Variants in OTOF observed in about 807,000 individuals in gnomAD.
The protein encoded by OTOF is otoferlin.
OTOF carries 218 observed loss-of-function variants against 236.8 expected under a neutral mutation model. That is an observed-to-expected ratio of 0.92 (90% confidence interval 0.82 to 1.03). The LOEUF is 1.03. Among genes scored for constraint, OTOF ranks in the 50% least tolerant of loss-of-function variants. The pLI is 0.00. For missense variants in OTOF, 2,590 were observed against 2,694.4 expected (o/e 0.96, Z 0.86); for synonymous variants, 1,041 against 1,072.5 (o/e 0.97, Z 0.57).
At position 26,457,811 on chromosome 2, in the gene OTOF, A is replaced by G; in HGVS notation, c.*427T>C. 1.8e-6 allele frequency: 1 copy of G among 555,314 alleles called. No individual in the cohort carries two copies. Among genetic ancestry groups the G allele is most frequent in the Non-Finnish European group, 3.2e-6 (1 of 312,316 alleles). 34.4% of individuals were successfully genotyped at this position (555,314 alleles called of 1,614,324 possible). Reference sequence around the variant, plus strand: ...GAGACCCATTCCAGGTCCCCACCCCATCCAAGGCTCCCCAGCCCACAGGCA... The same window carrying G: ...GAGACCCATTCCAGGTCCCCACCCCGTCCAAGGCTCCCCAGCCCACAGGCA... On this transcript the variant is annotated 3_prime_UTR_variant, in exon 47 of 47. Transcript: ENST00000272371. This position sits in a 1 kb window ranked among gnomAD's most constrained non-coding sequence, Gnocchi z 4.4.
chr2:26,465,209 T>G (rs1664670076), intron 38 of OTOF, among the ~76,000 whole-genome samples, 180 bp from the exon 39 acceptor site: 1 of 152,096 alleles, frequency 6.6e-6, no homozygotes, highest in Non-Finnish European at 1.5e-5. Flanking sequence ...GGCTGAACCT[T>G]CCTGCCCTGG....
chr2:26,482,042 T>C (rs1665553481), intron 14 of OTOF, among the ~76,000 whole-genome samples: 1 of 152,214 alleles, frequency 6.6e-6, no homozygotes, highest in Non-Finnish European at 1.5e-5. Flanking sequence ...AGGTATCATA[T>C]ATATATACAC....
At chr2:26,463,400 C>T (rs1205524308) in intron 41 of OTOF, 83 bp downstream of exon 41, 2 of 1,169,366 alleles carry the variant, frequency 1.7e-6, no homozygotes, top group Admixed American at 2.0e-5. Flanking sequence ...TGGACCTGAG[C>T]CCCCCGCAGG....
chr2:26,558,076 G>T (rs549380024), intron 1 of OTOF, among the ~76,000 whole-genome samples: 2 of 151,988 alleles, frequency 1.3e-5, no homozygotes, highest in African/African-American at 4.8e-5. Flanking sequence ...GTTTCTCCCA[G>T]TCACCCTGGG....
chr2:26,478,637 G>C (rs1665426794), intron 18 of OTOF, among the ~76,000 whole-genome samples: 1 of 152,122 alleles, frequency 6.6e-6, no homozygotes, highest in Non-Finnish European at 1.5e-5. Context: ...TTCAGACACT[G>C]CTCGCTTCTC....
chr2:26,528,268 G>A (rs1160923276), intron 2 of OTOF, among the ~76,000 whole-genome samples: 1 of 152,226 alleles, frequency 6.6e-6, no homozygotes, highest in East Asian at 1.9e-4. Flanking sequence ...GGTTGGGAGA[G>A]GGTGGTGCAA....
intron 2 of OTOF, among the ~76,000 whole-genome samples, chr2:26,529,097 G>A (rs923078456): frequency 6.6e-6 from 1 of 152,116 alleles, no homozygotes; most frequent in Admixed American, 6.5e-5. Flanking sequence ...GCCTCAGCAG[G>A]GGTCCCTGTC....
rs1031290128 is a variant in OTOF, at chr2:26,476,446, G to C, written c.2677-129C>G. On this transcript the variant is annotated intron_variant, in intron 22 of 46. Transcript: ENST00000272371. ...CCTTCACAGCCATCCCGCTGGGCTG[G>C]GGTCCGGTGGAGGCAGGAGGATGGG... is the stretch of plus-strand genomic sequence containing the variant. 7 of 860,252 alleles carry C rather than the reference G, an allele frequency of 8.1e-6. No individual in the cohort carries two copies. In the Admixed American group the frequency reaches 1.5e-4, roughly 19 times the overall value. 53.3% of individuals were successfully genotyped at this position (860,252 alleles called of 1,614,324 possible). A position where few individuals can be genotyped will look rare whatever the true frequency, so the allele number is the denominator to read the frequency against.
intron 2 of OTOF, among the ~76,000 whole-genome samples, chr2:26,536,757 A>G (rs971112007): frequency 2.0e-5 from 3 of 152,196 alleles, no homozygotes; most frequent in Admixed American, 2.0e-4. Context: ...TTTGAGGGTC[A>G]CTACATGGCT....
intron 1 of OTOF, among the ~76,000 whole-genome samples, chr2:26,538,320 C>T (rs995990174): frequency 2.0e-5 from 3 of 152,246 alleles, no homozygotes; most frequent in Admixed American, 1.3e-4. Context: ...GGGCCAAGGG[C>T]CTTCCCCTTC....
Position 26,460,296 on chromosome 2 carries a change from CCTGGGCTGTGTGTGCAGTT to C in OTOF, c.5814-110_5814-92del. 9.1e-7 allele frequency: 1 copy of C among 1,094,754 alleles called. No homozygotes were observed. Among genetic ancestry groups the C allele is most frequent in the Non-Finnish European group, 1.4e-6 (1 of 734,950 alleles). The allele number at this position is 1,094,754 out of a possible 1,614,324, so 67.8% of individuals were successfully genotyped here. A position where few individuals can be genotyped will look rare whatever the true frequency, so the allele number is the denominator to read the frequency against. On this transcript the variant is annotated intron_variant, in intron 45 of 46. Transcript: ENST00000272371. The surrounding 1 kb of genome is among the most constrained non-coding windows in gnomAD (Gnocchi z 5.3). ...GGGCCAAGACCAAGAGGGAAGCTGTCCTGGGCTGTGTGTGCAGTTCTAGGCACCCCTCTGGCCATCAAGG... is the reference window on the plus strand; with the variant it reads ...GGGCCAAGACCAAGAGGGAAGCTGTCCTAGGCACCCCTCTGGCCATCAAGG...
chr2:26,463,405 C>A (rs867197841), intron 41 of OTOF, 78 bp downstream of exon 41: 9 of 1,244,746 alleles, frequency 7.2e-6, no homozygotes, highest in Non-Finnish European at 6.9e-6. Context: ...CTGAGCCCCC[C>A]GCAGGAAGGG....
intron 1 of OTOF, among the ~76,000 whole-genome samples, chr2:26,556,242 C>A (rs1667582271): frequency 6.6e-6 from 1 of 152,208 alleles, no homozygotes; most frequent in African/African-American, 2.4e-5. Flanking sequence ...TTTCCCCCTG[C>A]AGAGGACTTG....
Position 26,473,018 on chromosome 2 carries a change from C to A in OTOF, c.3733+114G>T. 1.7e-6 allele frequency: 2 copies of A among 1,162,580 alleles called. No homozygotes were observed. Among genetic ancestry groups the A allele is most frequent in the Non-Finnish European group, 2.4e-6 (2 of 818,824 alleles). 72.0% of individuals were successfully genotyped at this position (1,162,580 alleles called of 1,614,324 possible). On this transcript the variant is annotated intron_variant, in intron 29 of 46. Coordinates refer to ENST00000272371, the MANE Select transcript of OTOF (RefSeq NM_194248.3). The surrounding 1 kb of genome is among the most constrained non-coding windows in gnomAD (Gnocchi z 7.2). Reference sequence around the variant, plus strand: ...CCAGGGTGACCTTCTTCTATGCCCACCCCCTCGGCCCCAAAGAGCAAACTC... The same window carrying A: ...CCAGGGTGACCTTCTTCTATGCCCAACCCCTCGGCCCCAAAGAGCAAACTC...
rs762154926 is a variant in OTOF, at chr2:26,477,610, G to A, written c.2315+39C>T. The A allele has an allele frequency of 1.8e-5, 29 of 1,609,510 alleles. No individual in the cohort carries two copies. Among genetic ancestry groups the A allele is most frequent in the African/African-American group, 5.3e-5 (4 of 74,848 alleles). ...GGCAGGGTCCCCTTTGTCCAGTTCCGCCTCATCCTCCCCCCACCTGCCGCC... is the reference window on the plus strand; with the variant it reads ...GGCAGGGTCCCCTTTGTCCAGTTCCACCTCATCCTCCCCCCACCTGCCGCC... On this transcript the variant is annotated intron_variant, in intron 19 of 46. Transcript: ENST00000272371. This position sits in a 1 kb window ranked among gnomAD's most constrained non-coding sequence, Gnocchi z 4.7.
At chr2:26,481,052 A>C (rs1386807453) in intron 14 of OTOF, 43 bp from the exon 15 acceptor site, 1 of 1,486,266 alleles carries the variant, frequency 6.7e-7, no homozygotes, top group Non-Finnish European at 9.4e-7. Context: ...CGTCACATCC[A>C]GTTTCCCTGG....
At chr2:26,469,761 C>A (rs977182191) in intron 32 of OTOF, among the ~76,000 whole-genome samples, 2 of 152,372 alleles carry the variant, frequency 1.3e-5, no homozygotes, top group East Asian at 3.9e-4. Flanking sequence ...GTTCACTTCA[C>A]TCTAACTTGC....
chr2:26,528,443 C>T (rs1223403701), intron 2 of OTOF, among the ~76,000 whole-genome samples: 1 of 152,214 alleles, frequency 6.6e-6, no homozygotes, highest in Non-Finnish European at 1.5e-5. Context: ...CAAACCACTC[C>T]TCACTCTGCC....
At chr2:26,502,260 G>A in intron 7 of OTOF, 40 bp downstream of exon 7, 1 of 1,612,254 alleles carries the variant, frequency 6.2e-7, no homozygotes, top group South Asian at 1.1e-5. Context: ...TGCCTGACAG[G>A]GTGGGGGCAG....
Sources: gnomAD v4.1 joint callset for allele counts (sites outside exome capture counted in the v4.1 genomes callset) on GRCh38, gnomAD v4.1.1 for gene constraint, Gnocchi (gnomAD v3.1) non-coding constraint, MANE v1.5 for transcripts, NCBI Gene and HGNC (gene_info 2026-07-23, HGNC 2026-07-21) for gene names.